ACACB: variants seen among roughly 807,000 people sequenced by gnomAD.
ACACB encodes the protein acetyl-CoA carboxylase beta, also known as acetyl-CoA carboxylase 2.
ACACB carries 209 observed loss-of-function variants against 278.8 expected under a neutral mutation model. That is an observed-to-expected ratio of 0.75 (90% confidence interval 0.67 to 0.84). ACACB has a LOEUF of 0.84. Ranked by LOEUF, ACACB falls within the 40% of genes least tolerant of loss-of-function variation. The pLI is 0.00. For missense variants in ACACB, 2,850 were observed against 3,269.0 expected (o/e 0.87, Z 3.13); for synonymous variants, 1,174 against 1,285.6 (o/e 0.91, Z 1.86).
chr12:109,206,560 T>A, intron 19 of ACACB, 150 bp from the exon 20 acceptor site: 1 of 1,002,514 alleles, frequency 1.0e-6, no homozygotes, highest in East Asian at 2.4e-5. Context: ...CCGTTTTAAC[T>A]TTCCAGTTCA....
Position 109,209,891 on chromosome 12 carries a change from GTATATACACACATACACACACGTGTGTA to G in ACACB, c.3249+544_3249+571del, listed in dbSNP as rs2045641464. Among the ~76,000 whole-genome samples, 4 of 122,568 alleles carry G rather than the reference GTATATACACACATACACACACGTGTGTA, an allele frequency of 3.3e-5. No homozygotes were observed. The South Asian group carries it at 1.0e-3, about 31-fold the overall frequency. 80.4% of individuals were successfully genotyped at this position (122,568 alleles called of 152,430 possible). A position where few individuals can be genotyped will look rare whatever the true frequency, so the allele number is the denominator to read the frequency against. ...CACATACACACACGTGTGTATATAT[GTATATACACACATACACACACGTGTGTA>G]TATATGTGTATACACACATACACAC... On this transcript the variant is annotated intron_variant, in intron 21 of 52. Coordinates refer to ENST00000338432, the MANE Select transcript of ACACB (RefSeq NM_001093.4).
At position 109,191,625 on chromosome 12, in the gene ACACB, G is replaced by A. The variant is rs775025359; in HGVS notation, c.2157G>A (p.Val719=). The stretch of plus-strand genomic sequence containing the variant: ...CTTTCCCTTCAAGGAACATGGTGGT[G>A]GCTTTGAAGGAACTGTCCATCCGAG... The part of the protein sequence containing the change: ...NREEAISNMV[V]ALKELSIRGD... The change falls in exon 14 of 53, where the codon GTG becomes GTA. Residue 719 remains valine (V), a synonymous_variant. Coordinates refer to ENST00000338432, the MANE Select transcript of ACACB (RefSeq NM_001093.4). 1.2e-6 allele frequency: 2 copies of A among 1,614,134 alleles called. No homozygotes were observed. The highest frequency in any genetic ancestry group is 1.7e-6 in the Non-Finnish European group (2 of 1,179,984).
Position 109,246,224 on chromosome 12 carries a change from C to T in ACACB, c.5347C>T (p.Pro1783Ser). ...FKMRFKTQEY[P>S]EGRDVIVIGN... The stretch of plus-strand genomic sequence containing the variant: ...AATGAGGTTTAAGACCCAGGAGTAC[C>T]CGGAAGGACGGGATGTGATCGTCAT... The change falls in exon 39 of 53, where the codon CCG (proline) becomes TCG (serine). Residue 1783 changes from proline (P) to serine (S), a missense_variant. Around this residue, in one of 3 missense-constraint regions of ACACB, gnomAD observed 2,265 missense variants for 2,561.3 expected, o/e 0.88. Transcript: ENST00000338432. The T allele has an allele frequency of 6.2e-7, 1 of 1,613,742 alleles. No homozygotes were observed. Among genetic ancestry groups the T allele is most frequent in the Non-Finnish European group, 8.5e-7 (1 of 1,179,976 alleles).
intron 41 of ACACB, among the ~76,000 whole-genome samples, chr12:109,250,877 T>A (rs1284949334): frequency 6.6e-6 from 1 of 152,168 alleles, no homozygotes; most frequent in African/African-American, 2.4e-5. Context: ...ACCTGAGAGA[T>A]CCAAGTGCCT....
rs765591079 is a variant in ACACB at position 109,262,462 on chromosome 12, A to G, written c.6780A>G (p.Glu2260=). ...RIDPAYKKLM[E]QLGEPDLSDK... ...ATCCAGCTTACAAGAAGCTCATGGA[A>G]CAGCTAGGTAAGGGGGTCCCAAAGG... The change falls in exon 49 of 53, where the codon GAA becomes GAG. Residue 2260 remains glutamate (E), a synonymous_variant. Transcript: ENST00000338432. The G allele has an allele frequency of 2.5e-6, 4 of 1,612,360 alleles. No homozygotes were observed. The highest frequency in any genetic ancestry group is 3.4e-6 in the Non-Finnish European group (4 of 1,179,090).
At chr12:109,235,478 G>A (rs1390942926) in intron 32 of ACACB, 109 bp downstream of exon 32, 2 of 1,425,220 alleles carry the variant, frequency 1.4e-6, no homozygotes, top group Non-Finnish European at 2.0e-6. Flanking sequence ...TCATTAGAAA[G>A]GAGAAGGATT....
At position 109,251,993 on chromosome 12, in the gene ACACB, G is replaced by C. The variant is rs1425241629; in HGVS notation, c.5791-53G>C. The stretch of plus-strand genomic sequence containing the variant: ...GTTCCTGGACTCTTCCCTGCTGTGG[G>C]GGGTGGGTCCCTCGCCACTCTCCAG... On this transcript the variant is annotated intron_variant, in intron 41 of 52. Transcript: ENST00000338432. 5.1e-6 allele frequency: 7 copies of C among 1,381,866 alleles called. No individual in the cohort carries two copies. In the East Asian group the frequency reaches 9.8e-5, roughly 19 times the overall value. 85.6% of individuals were successfully genotyped at this position (1,381,866 alleles called of 1,614,324 possible).
At chr12:109,258,169 G>T in intron 45 of ACACB, 99 bp from the exon 46 acceptor site, 1 of 777,268 alleles carries the variant, frequency 1.3e-6, no homozygotes, top group South Asian at 1.9e-5. Flanking sequence ...AGATTAAAAA[G>T]AGCATTCTCC....
At chr12:109,132,067 G>A (rs565418705) in intron 1 of ACACB, among the ~76,000 whole-genome samples, 6 of 152,286 alleles carry the variant, frequency 3.9e-5, no homozygotes, top group African/African-American at 1.4e-4. Flanking sequence ...GTGGGACAGT[G>A]GAAAAGGTAT....
At chr12:109,123,608 T>C (rs1243045991) in intron 1 of ACACB, among the ~76,000 whole-genome samples, 1 of 151,426 alleles carries the variant, frequency 6.6e-6, no homozygotes, top group Admixed American at 6.6e-5. Flanking sequence ...CAGGAGAATC[T>C]TTTGAACCTG....
chr12:109,144,755 T>TTTC (rs1565860843), intron 2 of ACACB, among the ~76,000 whole-genome samples: 1 of 122,178 alleles, frequency 8.2e-6, no homozygotes. Context: ...TCTTTCTTTC[T>TTTC]TTTTTTTTTT....
chr12:109,213,723 G>A (rs1427468557), intron 22 of ACACB, among the ~76,000 whole-genome samples: 3 of 151,960 alleles, frequency 2.0e-5, no homozygotes, highest in African/African-American at 2.4e-5. Flanking sequence ...TCAGCCTCCC[G>A]AGTAGCTGGA....
At chr12:109,186,455 C>T (rs2044666070) in intron 12 of ACACB, among the ~76,000 whole-genome samples, 1 of 152,148 alleles carries the variant, frequency 6.6e-6, no homozygotes, top group Non-Finnish European at 1.5e-5. Context: ...GTTTAGAACC[C>T]TAGTCCTTGG....
intron 28 of ACACB, 118 bp downstream of exon 28, chr12:109,227,607 C>T (rs1428754359): frequency 5.5e-6 from 5 of 913,720 alleles, no homozygotes; most frequent in South Asian, 1.6e-5. Context: ...GAGACATCAG[C>T]GATAAGCACT....
intron 33 of ACACB, chr12:109,236,358 G>A (rs1015135335): frequency 1.3e-5 from 2 of 152,358 alleles, no homozygotes; most frequent in African/African-American, 2.4e-5. Flanking sequence ...ACTTGCTGAT[G>A]TACTCAGTAA....
intron 24 of ACACB, 44 bp from the exon 25 acceptor site, chr12:109,222,463 T>C: frequency 6.3e-7 from 1 of 1,578,444 alleles, no homozygotes; most frequent in Non-Finnish European, 8.7e-7. Context: ...CATGTTTCCC[T>C]GGGCTGGAGA....
intron 2 of ACACB, among the ~76,000 whole-genome samples, chr12:109,150,305 C>T (rs1162429387): frequency 6.6e-6 from 1 of 152,130 alleles, no homozygotes; most frequent in Non-Finnish European, 1.5e-5. Flanking sequence ...GGTTCAGTAG[C>T]CATTAGTTGG....
Position 109,265,231 on chromosome 12 carries a change from T to A in ACACB, c.7064T>A (p.Ile2355Asn). The change falls in exon 51 of 53, where the codon ATC (isoleucine) becomes AAC (asparagine). Residue 2355 changes from isoleucine (I) to asparagine (N), a missense_variant. Ile to Asn is a moderately radical substitution (Grantham distance 149). This residue lies in a region of ACACB where 579 missense variants were observed against 684.6 expected (regional missense o/e 0.85). Transcript: ENST00000338432. ...QASGELSHVH[I>N]QSMLRRWFVE... ...AGCGGGGAGCTGAGTCACGTGCATA[T>A]CCAGTCCATGCTGCGTCGCTGGTTC... is the stretch of plus-strand genomic sequence containing the variant. 2 of 1,613,598 alleles carry A rather than the reference T, an allele frequency of 1.2e-6. No homozygotes were observed. Among genetic ancestry groups the A allele is most frequent in the Non-Finnish European group, 1.7e-6 (2 of 1,180,008 alleles).
At chr12:109,120,300 T>C (rs1240172883) in intron 1 of ACACB, among the ~76,000 whole-genome samples, 1 of 152,198 alleles carries the variant, frequency 6.6e-6, no homozygotes, top group Non-Finnish European at 1.5e-5. Context: ...GCCTTTACTA[T>C]GCTAAATGCA....
Sources: gnomAD v4.1 joint callset for allele counts (sites outside exome capture counted in the v4.1 genomes callset) on GRCh38, gnomAD v4.1.1 for gene constraint, gnomAD v4.1.1 regional missense constraint, MANE v1.5 for transcripts, NCBI Gene and HGNC (gene_info 2026-07-23, HGNC 2026-07-21) for gene names.